EPHA6: variants seen among roughly 807,000 people sequenced by gnomAD.
EPHA6 encodes EPH receptor A6.
In EPHA6, 50 loss-of-function variants were observed where a neutral mutation model predicts 112.0. The observed-to-expected ratio is 0.45, with a 90% confidence interval of 0.36 to 0.56. The LOEUF is 0.56. Ranked by LOEUF, EPHA6 falls within the 20% of genes least tolerant of loss-of-function variation. The probability of loss-of-function intolerance (pLI) is 0.00; values close to 1 mark genes in which losing one functional copy is unlikely to be tolerated. For synonymous variants in EPHA6, 529 were observed against 490.7 expected (o/e 1.08, Z -1.03); for missense variants, 1,280 against 1,417.4 (o/e 0.90, Z 1.56).
intron 10 of EPHA6, among the ~76,000 whole-genome samples, chr3:97,514,596 G>A (rs1360286245): frequency 1.3e-5 from 2 of 152,088 alleles, no homozygotes; most frequent in Admixed American, 6.6e-5. Flanking sequence ...AGATTCTCTG[G>A]ACTGAATTGT....
At chr3:97,454,302 CTGTT>C (rs963657884) in intron 7 of EPHA6, among the ~76,000 whole-genome samples, 18 of 151,724 alleles carry the variant, frequency 1.2e-4, no homozygotes, top group African/African-American at 4.1e-4. Flanking sequence ...GTCTGTATAT[CTGTT>C]TGTCTCAGAA....
intron 16 of EPHA6, among the ~76,000 whole-genome samples, chr3:97,746,742 A>G (rs1219472355): frequency 6.6e-6 from 1 of 151,788 alleles, no homozygotes; most frequent in East Asian, 1.9e-4. Flanking sequence ...TGTTAACCCA[A>G]CCTAACATTG....
intron 5 of EPHA6, among the ~76,000 whole-genome samples, chr3:97,365,292 G>A (rs1438176426): frequency 6.6e-6 from 1 of 152,116 alleles, no homozygotes; most frequent in Non-Finnish European, 1.5e-5. Context: ...AGCAGTAGAT[G>A]AGCCTCGAGT....
At chr3:97,609,819 A>G (rs184501345) in intron 12 of EPHA6, among the ~76,000 whole-genome samples, 1 of 151,530 alleles carries the variant, frequency 6.6e-6, no homozygotes, top group East Asian at 1.9e-4. Context: ...AACTGTGCAT[A>G]GTGCAGATTG....
intron 10 of EPHA6, among the ~76,000 whole-genome samples, chr3:97,502,059 AC>A (rs1385683691): frequency 2.0e-5 from 3 of 151,828 alleles, no homozygotes; most frequent in African/African-American, 7.3e-5. Flanking sequence ...GGGCTTACGT[AC>A]CACAGAGAAA....
Position 97,112,554 on chromosome 3 carries a change from T to C in EPHA6, c.1115-113710T>C, listed in dbSNP as rs138105494. On this transcript the variant is annotated intron_variant, in intron 3 of 17. Coordinates refer to ENST00000389672, the MANE Select transcript of EPHA6 (RefSeq NM_001080448.3). ...GTTTCAAAGGTGATAGTTTCTGTTG[T>C]ATCATAAGCACATGAAGAAAGTCGA... Among the ~76,000 whole-genome samples the C allele has an allele frequency of 3.9e-5, 6 of 152,260 alleles. No homozygotes were observed. In the East Asian group the frequency reaches 1.2e-3, roughly 29 times the overall value.
At chr3:96,930,471 G>A (rs1180285513) in intron 2 of EPHA6, among the ~76,000 whole-genome samples, 1 of 152,160 alleles carries the variant, frequency 6.6e-6, no homozygotes, top group Non-Finnish European at 1.5e-5. Flanking sequence ...GCTGCAGGTT[G>A]CTGTGGGTCC....
chr3:97,400,152 G>T (rs1286232449), intron 5 of EPHA6, among the ~76,000 whole-genome samples: 4 of 151,446 alleles, frequency 2.6e-5, no homozygotes, highest in Admixed American at 2.6e-4. Context: ...TTCATTTTCT[G>T]CATGTGGACG....
At chr3:97,295,849 T>C (rs60423474) in intron 5 of EPHA6, among the ~76,000 whole-genome samples, 5,125 of 152,232 alleles carry the variant, frequency 0.034, 269 homozygotes, top group African/African-American at 0.11. Flanking sequence ...CATTGGAGGC[T>C]GTGGTGAGGT....
At chr3:96,836,740 T>C (rs1239754544) in intron 1 of EPHA6, among the ~76,000 whole-genome samples, 2 of 152,162 alleles carry the variant, frequency 1.3e-5, no homozygotes, top group Non-Finnish European at 2.9e-5. Flanking sequence ...AGTGTCACCA[T>C]TATTGTGCCT....
chr3:97,207,708 G>T (rs1369727873), intron 3 of EPHA6, among the ~76,000 whole-genome samples: 1 of 152,120 alleles, frequency 6.6e-6, no homozygotes, highest in Non-Finnish European at 1.5e-5. Flanking sequence ...AATTTTGTAT[G>T]TGTACAGCTT....
chr3:97,675,571 C>G (rs1333476120), intron 14 of EPHA6, among the ~76,000 whole-genome samples: 1 of 152,044 alleles, frequency 6.6e-6, no homozygotes, highest in Admixed American at 6.6e-5. Context: ...TTTAAAAGAC[C>G]AATACCTAAC....
chr3:97,743,011 T>C (rs2035573169), intron 16 of EPHA6, among the ~76,000 whole-genome samples: 1 of 152,120 alleles, frequency 6.6e-6, no homozygotes, highest in Non-Finnish European at 1.5e-5. Flanking sequence ...TGGTTATAAT[T>C]GCAGGTGAAC....
chr3:97,167,840 T>A (rs1220193125), intron 3 of EPHA6, among the ~76,000 whole-genome samples: 2 of 151,940 alleles, frequency 1.3e-5, no homozygotes, highest in Non-Finnish European at 2.9e-5. Context: ...ATCCAAATAT[T>A]CTTAAAATAA....
At chr3:96,894,598 G>A (rs1419410821) in intron 2 of EPHA6, among the ~76,000 whole-genome samples, 1 of 152,000 alleles carries the variant, frequency 6.6e-6, no homozygotes, top group Non-Finnish European at 1.5e-5. Flanking sequence ...CAGCAAAGAA[G>A]GTATGAATGG....
intron 2 of EPHA6, among the ~76,000 whole-genome samples, chr3:96,939,715 T>G (rs2040824838): frequency 6.6e-6 from 1 of 152,230 alleles, no homozygotes; most frequent in Non-Finnish European, 1.5e-5. Context: ...ATTTAGGATC[T>G]TTCTTGTTTC....
At chr3:97,666,271 A>C (rs1347920512) in intron 14 of EPHA6, among the ~76,000 whole-genome samples, 2 of 152,144 alleles carry the variant, frequency 1.3e-5, no homozygotes, top group Admixed American at 1.3e-4. Context: ...AAGCACTTTG[A>C]GGAGAGAGAT....
chr3:97,301,635 C>T (rs1372457473), intron 5 of EPHA6, among the ~76,000 whole-genome samples: 1 of 152,094 alleles, frequency 6.6e-6, no homozygotes, highest in Non-Finnish European at 1.5e-5. Flanking sequence ...GCCATTTGAT[C>T]CAGTGCTCTT....
At chr3:96,952,739 G>A (rs975565682) in intron 2 of EPHA6, among the ~76,000 whole-genome samples, 4 of 151,954 alleles carry the variant, frequency 2.6e-5, no homozygotes, top group Non-Finnish European at 4.4e-5. Flanking sequence ...CTATTTACTC[G>A]GTTGATAGTT....
Sources: allele counts gnomAD v4.1 joint callset (sites outside exome capture counted in the v4.1 genomes callset), GRCh38; gene constraint gnomAD v4.1.1; transcripts MANE v1.5; gene names NCBI Gene and HGNC (gene_info 2026-07-23, HGNC 2026-07-21).